JADE3: variants seen among roughly 807,000 people sequenced by gnomAD.
JADE3 encodes the protein jade family PHD finger 3.
JADE3 carries 2 observed loss-of-function variants against 50.1 expected under a neutral mutation model. The observed-to-expected ratio is 0.04, with a 90% CI of 0.02 to 0.13. The LOEUF is 0.13. Ranked by LOEUF, JADE3 falls within the 10% of genes least tolerant of loss-of-function variation. The pLI is 1.00. For synonymous variants in JADE3, 218 were observed against 232.9 expected, an observed-to-expected ratio of 0.94 and a Z score of 0.58; for missense variants, 475 against 634.4, an observed-to-expected ratio of 0.75 and a Z score of 2.70.
In JADE3 at chrX:47,058,840, G is replaced by C; in HGVS notation, c.2235G>C (p.Gln745His). The change falls in exon 11 of 11, where the codon CAG (glutamine) becomes CAC (histidine). Residue 745 changes from glutamine (Q) to histidine (H), a missense_variant. Transcript: ENST00000614628. The part of the protein sequence containing the change: ...KPTKNMSPKE[Q>H]FWGRQVLRRS... ...CCAAGAATATGAGCCCCAAGGAGCA[G>C]TTCTGGGGTAGACAGGTTCTCAGGC... The C allele has an allele frequency of 8.3e-7, 1 of 1,209,686 alleles. No individual in the cohort carries two copies. Among genetic ancestry groups the C allele is most frequent in the Non-Finnish European group, 1.1e-6 (1 of 893,563 alleles).
chrX:46,917,832 A>AACC (rs1569533765), intron 1 of JADE3, among the ~76,000 whole-genome samples: 3 of 8,050 alleles, frequency 3.7e-4, no homozygotes, highest in African/African-American at 8.1e-4. Context: ...ACTCTCTCTC[A>AACC]TCCTCTCTCT....
chrX:46,913,407 C>G (rs1926010352), intron 1 of JADE3, among the ~76,000 whole-genome samples: 1 of 110,727 alleles, frequency 9.0e-6, no homozygotes, highest in Non-Finnish European at 1.9e-5. Context: ...CCGTGGCCGC[C>G]GAGCGTCGGG....
At chrX:46,920,595 G>A (rs1420125839) in intron 1 of JADE3, among the ~76,000 whole-genome samples, 3 of 112,511 alleles carry the variant, frequency 2.7e-5, no homozygotes, top group Non-Finnish European at 5.6e-5. Flanking sequence ...GGGATTAGTG[G>A]ATTTTTCTTT....
intron 1 of JADE3, among the ~76,000 whole-genome samples, chrX:46,978,976 ATAAT>A (rs1234697642): frequency 6.2e-5 from 7 of 112,542 alleles, no homozygotes; most frequent in African/African-American, 2.3e-4. Flanking sequence ...TTTTCCTACA[ATAAT>A]TAAAACAGCA....
At chrX:47,012,844 A>G (rs782404615) in intron 4 of JADE3, among the ~76,000 whole-genome samples, 1 of 110,427 alleles carries the variant, frequency 9.1e-6, no homozygotes, top group Admixed American at 9.7e-5. Flanking sequence ...ATGTGTGGAT[A>G]TCTAGTTGTC....
At chrX:47,055,577 G>GGT (rs1309779988) in intron 9 of JADE3, among the ~76,000 whole-genome samples, 1 of 112,106 alleles carries the variant, frequency 8.9e-6, no homozygotes, top group African/African-American at 3.2e-5. Flanking sequence ...AACTTGCCTA[G>GGT]GTAGGGAGTA....
intron 1 of JADE3, among the ~76,000 whole-genome samples, chrX:46,926,525 C>T (rs956307055): frequency 3.6e-5 from 4 of 112,105 alleles, no homozygotes; most frequent in Non-Finnish European, 5.6e-5. Context: ...GGATTACAGG[C>T]GTGAGCCACC....
chrX:47,046,716 A>T (rs1556370762), intron 8 of JADE3, among the ~76,000 whole-genome samples: 1 of 112,151 alleles, frequency 8.9e-6, no homozygotes, highest in Non-Finnish European at 1.9e-5. Flanking sequence ...ATCATGAAGG[A>T]TGTTGAATTT....
intron 1 of JADE3, among the ~76,000 whole-genome samples, chrX:46,968,463 A>G (rs949235136): frequency 9.0e-6 from 1 of 111,205 alleles, no homozygotes; most frequent in African/African-American, 3.3e-5. Flanking sequence ...AGTCCTAGCT[A>G]CCTGGGAGGC....
intron 1 of JADE3, among the ~76,000 whole-genome samples, chrX:46,933,889 G>A (rs1209900290): frequency 9.0e-6 from 1 of 111,360 alleles, no homozygotes; most frequent in African/African-American, 3.3e-5. Flanking sequence ...AAAATGCTGG[G>A]CTAATTTCAA....
intron 1 of JADE3, among the ~76,000 whole-genome samples, chrX:46,963,764 A>G (rs1218486632): frequency 9.0e-6 from 1 of 111,629 alleles, no homozygotes; most frequent in Non-Finnish European, 1.9e-5. Context: ...GTAGTTGGTC[A>G]GGTTTCTAAG....
At chrX:46,945,258 A>G (rs2147113635) in intron 1 of JADE3, among the ~76,000 whole-genome samples, 1 of 110,666 alleles carries the variant, frequency 9.0e-6, no homozygotes, top group East Asian at 2.8e-4. Context: ...GATGATAGTC[A>G]CTCATAGACT....
chrX:47,027,277 A>G (rs1556365740), intron 5 of JADE3, among the ~76,000 whole-genome samples: 1 of 112,357 alleles, frequency 8.9e-6, no homozygotes, highest in Non-Finnish European at 1.9e-5. Context: ...GAATATTAAC[A>G]GGTTTATATG....
At chrX:47,003,852 A>G (rs1317114484) in intron 4 of JADE3, among the ~76,000 whole-genome samples, 1 of 101,745 alleles carries the variant, frequency 9.8e-6, no homozygotes, top group Non-Finnish European at 2.0e-5. Flanking sequence ...AAATTTATAT[A>G]TATAAATTTA....
chrX:46,916,122 C>A lies in JADE3; in HGVS notation c.-12+3403C>A, dbSNP rs187217729. ...ATATGATACCAGCATGGCCAATACA[C>A]TAGACTTTGTGTGTTGGAATCTTCT... On this transcript the variant is annotated intron_variant, in intron 1 of 10. Transcript: ENST00000614628. 5.2e-3 allele frequency among the ~76,000 whole-genome samples: 580 copies of A among 111,656 alleles called. 2 individuals carry two copies. The highest frequency in any genetic ancestry group is 0.023 in the South Asian group (60 of 2,664).
chrX:46,954,780 C>T (rs930703776), intron 1 of JADE3, among the ~76,000 whole-genome samples: 2 of 111,532 alleles, frequency 1.8e-5, no homozygotes, highest in Non-Finnish European at 3.8e-5. Context: ...GTCTCAAACT[C>T]CTGACCTCAA....
intron 7 of JADE3, among the ~76,000 whole-genome samples, chrX:47,035,700 A>G (rs1359940202): frequency 9.0e-6 from 1 of 110,960 alleles, no homozygotes; most frequent in Non-Finnish European, 1.9e-5. Flanking sequence ...TGGCATCCTT[A>G]TTTGACAGTT....
chrX:46,970,095 A>C (rs781927903), intron 1 of JADE3, among the ~76,000 whole-genome samples: 6 of 112,637 alleles, frequency 5.3e-5, no homozygotes, highest in African/African-American at 1.9e-4. Context: ...TTCTGACTTA[A>C]TTGGTAATGG....
At chrX:47,044,248 G>A (rs782737763) in intron 8 of JADE3, among the ~76,000 whole-genome samples, 1 of 111,461 alleles carries the variant, frequency 9.0e-6, no homozygotes, top group Non-Finnish European at 1.9e-5. Flanking sequence ...AACTCCCAAA[G>A]GTCAAGGATA....
Sources: allele counts gnomAD v4.1 joint callset (sites outside exome capture counted in the v4.1 genomes callset), GRCh38; gene constraint gnomAD v4.1.1; transcripts MANE v1.5; gene names NCBI Gene and HGNC (gene_info 2026-07-23, HGNC 2026-07-21).